Variants in DGKB observed in about 807,000 individuals in gnomAD.
DGKB encodes 90 kDa diacylglycerol kinase.
Under a neutral mutation model 114.3 loss-of-function variants are expected in DGKB, and 67 were observed. The observed-to-expected ratio is 0.59, with a 90% CI of 0.48 to 0.72. DGKB has a LOEUF of 0.72. DGKB is among the 30% of genes least tolerant of loss of function. The pLI, the probability that DGKB is intolerant of heterozygous loss-of-function variation, is 0.00. For missense variants in DGKB, 907 were observed against 975.2 expected (o/e 0.93, Z 0.93); for synonymous variants, 398 against 323.1 (o/e 1.23, Z -2.49).
chr7:14,436,765 T>C (rs1235067560), intron 21 of DGKB, among the ~76,000 whole-genome samples: 1 of 152,148 alleles, frequency 6.6e-6, no homozygotes, highest in Non-Finnish European at 1.5e-5. Flanking sequence ...ACAGATAGTC[T>C]AGCCTTAGCT....
At chr7:14,386,540 A>G (rs1197562162) in intron 21 of DGKB, among the ~76,000 whole-genome samples, 1 of 152,214 alleles carries the variant, frequency 6.6e-6, no homozygotes, top group Non-Finnish European at 1.5e-5. Context: ...CAGGAATGTG[A>G]CACTACCATG....
Position 14,178,085 on chromosome 7 carries a change from G to A in DGKB, c.2189C>T (p.Thr730Ile). The A allele has an allele frequency of 6.2e-7, 1 of 1,611,950 alleles. No homozygotes were observed. Among genetic ancestry groups the A allele is most frequent in the Non-Finnish European group, 8.5e-7 (1 of 1,179,242 alleles). The change falls in exon 24 of 26, where the codon ACA (threonine) becomes ATA (isoleucine). Residue 730 changes from threonine (T) to isoleucine (I), a missense_variant. By Grantham distance (89) the Thr-to-Ile change is moderately conservative. Coordinates refer to ENST00000402815, the MANE Select transcript of DGKB (RefSeq NM_001350709.2). ...CCGCCGGCCAGCACTTTTCAGGCCT[G>A]TGTATATTTGCCCCATCTCCATGGC... ...EGAMEMGQIY[T>I]GLKSAGRRLA...
At chr7:14,702,329 G>A (rs77856564) in intron 6 of DGKB, among the ~76,000 whole-genome samples, 1,581 of 152,148 alleles carry the variant, frequency 0.01, 28 homozygotes, top group African/African-American at 0.035. Flanking sequence ...CGAGGAAGGC[G>A]GAGTGCAAAA....
At position 14,509,727 on chromosome 7, in the gene DGKB, T is replaced by G. The variant is rs993518770; in HGVS notation, c.1771-31502A>C. Among the ~76,000 whole-genome samples the G allele has an allele frequency of 3.3e-5, 5 of 152,348 alleles. No individual in the cohort carries two copies. In the East Asian group the frequency reaches 9.7e-4, roughly 30 times the overall value. ...GCAAGCCTCCGACGCTCTGGTCCCCTGGACCCGCCTTTTAAAAGCTTATTC... is the reference window on the plus strand; with the variant it reads ...GCAAGCCTCCGACGCTCTGGTCCCCGGGACCCGCCTTTTAAAAGCTTATTC... On this transcript the variant is annotated intron_variant, in intron 20 of 25. Transcript: ENST00000402815.
At chr7:14,914,947 C>T (rs1402183444) in intron 1 of DGKB, among the ~76,000 whole-genome samples, 1 of 151,738 alleles carries the variant, frequency 6.6e-6, no homozygotes, top group Non-Finnish European at 1.5e-5. Context: ...AGCTTGAACA[C>T]AGGAGGAAAA....
intron 17 of DGKB, among the ~76,000 whole-genome samples, chr7:14,606,572 C>A (rs1036996203): frequency 2.7e-5 from 4 of 150,656 alleles, no homozygotes; most frequent in Non-Finnish European, 5.9e-5. Flanking sequence ...AGAAGTAAGA[C>A]TAATTTTAAA....
chr7:14,273,012 A>G (rs1798487383), intron 23 of DGKB, among the ~76,000 whole-genome samples: 1 of 152,170 alleles, frequency 6.6e-6, no homozygotes. Context: ...AATGTGACCA[A>G]ATGTGTTTGT....
chr7:14,935,634 T>C (rs372461679), intron 1 of DGKB, among the ~76,000 whole-genome samples: 3 of 152,154 alleles, frequency 2.0e-5, no homozygotes, highest in Admixed American at 1.3e-4. Flanking sequence ...TGTATATACA[T>C]GCAGAATACT....
At chr7:14,572,755 T>A (rs954745609) in intron 20 of DGKB, among the ~76,000 whole-genome samples, 2 of 152,164 alleles carry the variant, frequency 1.3e-5, no homozygotes, top group Non-Finnish European at 2.9e-5. Context: ...ATTTATACAG[T>A]TCATATGAGT....
In DGKB at chr7:14,689,196, C is replaced by CTTTTTTTTTTTTT. The variant is rs1554599070; in HGVS notation, c.712-3835_712-3834insAAAAAAAAAAAAA. On this transcript the variant is annotated intron_variant, in intron 9 of 25. Coordinates refer to ENST00000402815, the MANE Select transcript of DGKB (RefSeq NM_001350709.2). ...TTATGACAATGTGACAGAAACTCCT[C>CTTTTTTTTTTTTT]TTATTTTTTTTTTTTTTTTTTTTTT... 7.5e-4 allele frequency among the ~76,000 whole-genome samples: 60 copies of CTTTTTTTTTTTTT among 80,266 alleles called. 1 individual carries two copies. Among genetic ancestry groups the CTTTTTTTTTTTTT allele is most frequent in the Non-Finnish European group, 9.5e-4 (38 of 39,974 alleles). 52.7% of individuals were successfully genotyped at this position (80,266 alleles called of 152,430 possible).
At chr7:14,240,371 A>G (rs550223136) in intron 23 of DGKB, among the ~76,000 whole-genome samples, 9 of 152,102 alleles carry the variant, frequency 5.9e-5, no homozygotes, top group Non-Finnish European at 1.0e-4. Context: ...AGAAGTGTCA[A>G]TGTTTCAATA....
chr7:14,233,924 C>A (rs1792327409), intron 23 of DGKB, among the ~76,000 whole-genome samples: 1 of 151,422 alleles, frequency 6.6e-6, no homozygotes, highest in South Asian at 2.1e-4. Flanking sequence ...CTTAACTAAA[C>A]AAAGGCCTGG....
At chr7:14,584,841 G>T (rs1800499615) in intron 17 of DGKB, among the ~76,000 whole-genome samples, 1 of 151,788 alleles carries the variant, frequency 6.6e-6, no homozygotes, top group Non-Finnish European at 1.5e-5. Flanking sequence ...TGTATTTTTA[G>T]TAGAGACAGG....
At chr7:14,920,831 T>C (rs1784478581) in intron 1 of DGKB, among the ~76,000 whole-genome samples, 1 of 151,642 alleles carries the variant, frequency 6.6e-6, no homozygotes, top group South Asian at 2.1e-4. Context: ...GGAAATGAGC[T>C]ATGAAGCCAA....
intron 25 of DGKB, among the ~76,000 whole-genome samples, chr7:14,149,696 A>G (rs1327217225): frequency 6.6e-6 from 1 of 152,158 alleles, no homozygotes; most frequent in Non-Finnish European, 1.5e-5. Flanking sequence ...TTATCTTGCT[A>G]ATCAGATTGT....
chr7:14,257,529 G>T lies in DGKB; in HGVS notation c.2123-79378C>A, dbSNP rs1233036639. ...GGGAGGCACATGGTGGGAGGTAATT[G>T]AATCATAGAGGCTGTTACCCCCATG... On this transcript the variant is annotated intron_variant, in intron 23 of 25. Coordinates refer to ENST00000402815, the MANE Select transcript of DGKB (RefSeq NM_001350709.2). 2.6e-5 allele frequency among the ~76,000 whole-genome samples: 4 copies of T among 152,144 alleles called. No homozygotes were observed. In the East Asian group the frequency reaches 7.8e-4, roughly 30 times the overall value.
intron 21 of DGKB, among the ~76,000 whole-genome samples, chr7:14,455,563 T>G (rs929107008): frequency 2.6e-5 from 4 of 152,034 alleles, no homozygotes; most frequent in African/African-American, 4.8e-5. Context: ...TTACTTATAT[T>G]TCTCTAGAGA....
At chr7:14,523,151 T>C (rs1267536857) in intron 20 of DGKB, among the ~76,000 whole-genome samples, 2 of 152,186 alleles carry the variant, frequency 1.3e-5, no homozygotes, top group African/African-American at 4.8e-5. Flanking sequence ...TTTTAAACTA[T>C]GGTTTTAAGT....
At chr7:14,855,025 C>A (rs1479596186) in intron 1 of DGKB, among the ~76,000 whole-genome samples, 1 of 152,052 alleles carries the variant, frequency 6.6e-6, no homozygotes. Context: ...TCTAAAAAAA[C>A]TGAACCATAT....
Sources: gnomAD v4.1 joint callset for allele counts (sites outside exome capture counted in the v4.1 genomes callset) on GRCh38, gnomAD v4.1.1 for gene constraint, MANE v1.5 for transcripts, NCBI Gene and HGNC (gene_info 2026-07-23, HGNC 2026-07-21) for gene names.